The following LRRC4C variants were observed in gnomAD, a reference collection of about 807,000 sequenced individuals.
LRRC4C encodes leucine-rich repeat-containing protein 4C.
A neutral mutation model predicts 33.6 loss-of-function variants in LRRC4C; 5 were observed. That is an observed-to-expected ratio of 0.15 (90% CI 0.08 to 0.31). The LOEUF is 0.31. Ranked by LOEUF, LRRC4C falls within the 10% of genes least tolerant of loss-of-function variation. LRRC4C has a pLI of 1.00. For synonymous variants in LRRC4C, 329 were observed against 302.0 expected, an observed-to-expected ratio of 1.09 and a Z score of -0.93; for missense variants, 560 against 796.7, an observed-to-expected ratio of 0.70 and a Z score of 3.58.
At chr11:40,550,856 TG>T (rs397848309) in intron 3 of LRRC4C, among the ~76,000 whole-genome samples, 1 of 152,020 alleles carries the variant, frequency 6.6e-6, no homozygotes, top group Non-Finnish European at 1.5e-5. Flanking sequence ...TGATTGAAGT[TG>T]GGAAAAATTT....
At chr11:40,415,801 A>T (rs1047217645) in intron 3 of LRRC4C, among the ~76,000 whole-genome samples, 2 of 152,172 alleles carry the variant, frequency 1.3e-5, no homozygotes, top group African/African-American at 4.8e-5. Flanking sequence ...AGTAAGGCTG[A>T]AAGTAGAGAG....
chr11:40,198,782 G>A (rs888837344), intron 5 of LRRC4C, among the ~76,000 whole-genome samples: 6 of 152,194 alleles, frequency 3.9e-5, no homozygotes, highest in African/African-American at 9.6e-5. Context: ...AATAAATGGA[G>A]TCAATCTGGA....
intron 3 of LRRC4C, among the ~76,000 whole-genome samples, chr11:40,365,317 T>G (rs574447122): frequency 6.6e-6 from 1 of 152,240 alleles, no homozygotes; most frequent in Admixed American, 6.5e-5. Flanking sequence ...CATCTCTTGA[T>G]AGGAGGGTAC....
At chr11:40,138,749 A>C (rs2134937508) in intron 6 of LRRC4C, among the ~76,000 whole-genome samples, 1 of 152,336 alleles carries the variant, frequency 6.6e-6, no homozygotes, top group South Asian at 2.1e-4. Flanking sequence ...ATCTTTCCTA[A>C]GGAAATTCTT....
chr11:40,235,110 C>T (rs1459394560), intron 5 of LRRC4C, among the ~76,000 whole-genome samples: 3 of 152,170 alleles, frequency 2.0e-5, no homozygotes, highest in Admixed American at 2.0e-4. Context: ...GCAGCAATTT[C>T]CTTAGTTATA....
intron 1 of LRRC4C, among the ~76,000 whole-genome samples, chr11:41,366,242 A>G (rs912034771): frequency 7.8e-6 from 1 of 127,922 alleles, no homozygotes; most frequent in Non-Finnish European, 1.7e-5. Context: ...AGATAGATAG[A>G]TAGGTAGATA....
chr11:41,372,150 A>AAAAAT (rs1181649266), intron 1 of LRRC4C, among the ~76,000 whole-genome samples: 1 of 152,188 alleles, frequency 6.6e-6, no homozygotes, highest in African/African-American at 2.4e-5. Flanking sequence ...GTCTCAATAA[A>AAAAAT]AAAATAAAAT....
intron 1 of LRRC4C, among the ~76,000 whole-genome samples, chr11:40,997,213 A>G (rs1592293155): frequency 6.6e-6 from 1 of 152,120 alleles, no homozygotes; most frequent in African/African-American, 2.4e-5. Context: ...CTGTGAGAAG[A>G]AAAATAAGAG....
chr11:41,320,254 A>G (rs1565578665), intron 1 of LRRC4C, among the ~76,000 whole-genome samples: 1 of 152,244 alleles, frequency 6.6e-6, no homozygotes, highest in Admixed American at 6.5e-5. Context: ...GCTTCTTCAA[A>G]TGTTAGATTC....
intron 1 of LRRC4C, among the ~76,000 whole-genome samples, chr11:41,082,948 G>C: frequency 6.6e-6 from 1 of 152,006 alleles, no homozygotes; most frequent in East Asian, 1.9e-4. Context: ...TGAGTGGTTT[G>C]GCTGATAAAT....
intron 2 of LRRC4C, among the ~76,000 whole-genome samples, chr11:40,724,220 A>G (rs1161110254): frequency 6.6e-6 from 1 of 152,182 alleles, no homozygotes; most frequent in African/African-American, 2.4e-5. Flanking sequence ...AACTGTCAAC[A>G]AGATTCTGGA....
In LRRC4C at chr11:40,401,881, G is replaced by A. The variant is rs530006134; in HGVS notation, c.-269-82160C>T. The stretch of plus-strand genomic sequence containing the variant: ...CATGTGTATGTGTACTTTTCATGTT[G>A]TGTTTAGTATCTGCAGTAGTTTATA... On this transcript the variant is annotated intron_variant, in intron 3 of 6. Coordinates refer to ENST00000528697, the MANE Select transcript of LRRC4C (RefSeq NM_001258419.2). Among the ~76,000 whole-genome samples the A allele has an allele frequency of 6.6e-5, 10 of 152,156 alleles. No individual in the cohort carries two copies. In the Middle Eastern group the frequency reaches 0.01, roughly 155 times the overall value.
rs563221968 is a variant in LRRC4C, at chr11:40,686,685, T to A, written c.-406-38407A>T. On this transcript the variant is annotated intron_variant, in intron 2 of 6. Coordinates refer to ENST00000528697, the MANE Select transcript of LRRC4C (RefSeq NM_001258419.2). ...ATGAAACGGTTCAAAATAATTTTTT[T>A]AAAAGTCTTATTTAATTCATCTTAC... 2.0e-5 allele frequency among the ~76,000 whole-genome samples: 3 copies of A among 152,214 alleles called. No homozygotes were observed. In the South Asian group the frequency reaches 6.2e-4, roughly 32 times the overall value.
chr11:41,226,753 C>A lies in LRRC4C; in HGVS notation c.-496+232678G>T, dbSNP rs1467274105. 4.6e-5 allele frequency among the ~76,000 whole-genome samples: 7 copies of A among 151,330 alleles called. No individual in the cohort carries two copies. The East Asian group carries it at 1.4e-3, about 30-fold the overall frequency. ...AAATCCTTACCATTACACACACACA[C>A]ACACACACACACACACACACACACC... On this transcript the variant is annotated intron_variant, in intron 1 of 6. Transcript: ENST00000528697.
rs1474849169 is a variant in LRRC4C at position 40,696,747 on chromosome 11, T to TGTATGTATATATATATATCTGA, written c.-406-48470_-406-48469insTCAGATATATATATATACATAC. 1.1e-3 allele frequency among the ~76,000 whole-genome samples: 96 copies of TGTATGTATATATATATATCTGA among 87,432 alleles called. 1 individual carries two copies. In the Middle Eastern group the frequency reaches 0.023, roughly 21 times the overall value. The allele number at this position is 87,432 out of a possible 152,430, so 57.4% of individuals were successfully genotyped here. A position where few individuals can be genotyped will look rare whatever the true frequency, so the allele number is the denominator to read the frequency against. On this transcript the variant is annotated intron_variant, in intron 2 of 6. Coordinates refer to ENST00000528697, the MANE Select transcript of LRRC4C (RefSeq NM_001258419.2). ...TGTCTCTGTGCATATATATACACTGTGTATATATATATATATATATATATA... is the reference window on the plus strand; with the variant it reads ...TGTCTCTGTGCATATATATACACTGTGTATGTATATATATATATCTGAGTATATATATATATATATATATATA...
intron 1 of LRRC4C, among the ~76,000 whole-genome samples, chr11:41,409,038 T>C: frequency 6.6e-6 from 1 of 152,178 alleles, no homozygotes; most frequent in East Asian, 1.9e-4. Context: ...ACACTGTGTG[T>C]AGGGTCACAG....
At chr11:40,307,245 T>C (rs1048168171) in intron 4 of LRRC4C, among the ~76,000 whole-genome samples, 5 of 152,242 alleles carry the variant, frequency 3.3e-5, no homozygotes, top group South Asian at 4.1e-4. Flanking sequence ...CACTAGGGTG[T>C]TGGGATGAGT....
intron 5 of LRRC4C, among the ~76,000 whole-genome samples, chr11:40,225,994 A>T (rs971043404): frequency 5.9e-5 from 9 of 152,196 alleles, no homozygotes; most frequent in African/African-American, 1.4e-4. Context: ...GAGAGACTAC[A>T]TAGATATGTG....
At chr11:40,774,930 G>T (rs1005888871) in intron 2 of LRRC4C, among the ~76,000 whole-genome samples, 7 of 151,826 alleles carry the variant, frequency 4.6e-5, no homozygotes, top group African/African-American at 1.7e-4. Flanking sequence ...ATTATCTGCT[G>T]GCATATTAAT....
Sources: gnomAD v4.1 joint callset for allele counts (sites outside exome capture counted in the v4.1 genomes callset) on GRCh38, gnomAD v4.1.1 for gene constraint, MANE v1.5 for transcripts, NCBI Gene and HGNC (gene_info 2026-07-23, HGNC 2026-07-21) for gene names.